MYLK4: variants seen among roughly 807,000 people sequenced by gnomAD.
MYLK4 encodes myosin light chain kinase family member 4.
MYLK4 carries 46 observed loss-of-function variants against 48.1 expected under a neutral mutation model. The observed-to-expected ratio is 0.96, with a 90% CI of 0.75 to 1.22. The LOEUF (loss-of-function observed/expected upper bound fraction) is 1.22. Ranked by LOEUF, MYLK4 falls within the 50% of genes most tolerant of loss-of-function variation. The pLI, the probability that MYLK4 is intolerant of heterozygous loss-of-function variation, is 0.00. For synonymous variants in MYLK4, 170 were observed against 180.8 expected (o/e 0.94, Z 0.48); for missense variants, 451 against 486.1 (o/e 0.93, Z 0.68).
intron 2 of MYLK4, among the ~76,000 whole-genome samples, chr6:2,717,982 A>G (rs1762929185): frequency 1.3e-5 from 2 of 152,126 alleles, no homozygotes; most frequent in South Asian, 4.1e-4. Context: ...GGAGTTCGAG[A>G]TCAGCCTGAC....
chr6:2,745,732 C>T (rs1329184367), intron 2 of MYLK4, among the ~76,000 whole-genome samples: 3 of 151,816 alleles, frequency 2.0e-5, no homozygotes, highest in Non-Finnish European at 4.4e-5. Flanking sequence ...CAAGACCAGT[C>T]TGAGCAACAC....
intron 2 of MYLK4, among the ~76,000 whole-genome samples, chr6:2,728,273 T>C (rs1763355358): frequency 6.6e-6 from 1 of 152,232 alleles, no homozygotes; most frequent in Non-Finnish European, 1.5e-5. Flanking sequence ...TAGGTGTTTT[T>C]CGTATGTAAG....
intron 6 of MYLK4, among the ~76,000 whole-genome samples, chr6:2,684,671 G>T (rs758990754): frequency 2.8e-4 from 42 of 152,124 alleles, no homozygotes; most frequent in Non-Finnish European, 5.0e-4. Flanking sequence ...TATAACAACT[G>T]TATATGTGGC....
chr6:2,763,922 G>A, the MYLK4 span, among the ~76,000 whole-genome samples: 1 of 152,142 alleles, frequency 6.6e-6, no homozygotes, highest in Non-Finnish European at 1.5e-5. Flanking sequence ...CGAGGTGGGC[G>A]GATCACCTGA....
In MYLK4 at chr6:2,683,081, C is replaced by T; in HGVS notation, c.627G>A (p.Lys209=). ...TGTGCCTTATCCCCTCACATATCTG[C>T]TTCATGAACAGGATGGTATCAAGCT... ...LTELDTILFM[K]QICEGIRHMH... Residue 209 remains lysine, a synonymous_variant, in exon 7 of 13, where the codon AAG becomes AAA. Coordinates refer to ENST00000274643, the MANE Select transcript of MYLK4 (RefSeq NM_001012418.5). The T allele has an allele frequency of 6.2e-7, 1 of 1,614,156 alleles. No individual in the cohort carries two copies. The highest frequency in any genetic ancestry group is 8.5e-7 in the Non-Finnish European group (1 of 1,180,040).
intron 2 of MYLK4, among the ~76,000 whole-genome samples, chr6:2,698,687 C>A (rs914406105): frequency 6.6e-6 from 1 of 152,098 alleles, no homozygotes; most frequent in African/African-American, 2.4e-5. Flanking sequence ...TACAAGAATA[C>A]AAAGAGATGA....
rs1761666030 is a variant in MYLK4 at position 2,688,892 on chromosome 6, G to C, written c.300C>G (p.Val100=). 1.9e-6 allele frequency: 3 copies of C among 1,614,188 alleles called. No individual in the cohort carries two copies. Among genetic ancestry groups the C allele is most frequent in the East Asian group, 2.2e-5 (1 of 44,888 alleles). ...HRIVTAKQGA[V]NSFYTVSKTE... Reference sequence around the variant, plus strand: ...TCTTGCTCACAGTATAGAAGCTGTTGACCGCTCCTTGCTTGGCTGTCACAA... The same window carrying C: ...TCTTGCTCACAGTATAGAAGCTGTTCACCGCTCCTTGCTTGGCTGTCACAA... The change falls in exon 4 of 13, where the codon GTC becomes GTG. Residue 100 remains valine, a synonymous_variant. Transcript: ENST00000274643.
intron 1 of MYLK4, among the ~76,000 whole-genome samples, chr6:2,749,789 T>G (rs544678597): frequency 1.3e-5 from 2 of 152,102 alleles, no homozygotes; most frequent in African/African-American, 4.8e-5. Flanking sequence ...AGAAGGGGTC[T>G]CTCTGCTTCC....
the MYLK4 span, among the ~76,000 whole-genome samples, chr6:2,758,321 T>G: frequency 6.6e-6 from 1 of 151,528 alleles, no homozygotes; most frequent in Non-Finnish European, 1.5e-5. Context: ...ATAATATTTT[T>G]TCTTTTATCA....
At chr6:2,735,927 A>G (rs1174413007) in intron 2 of MYLK4, among the ~76,000 whole-genome samples, 2 of 152,216 alleles carry the variant, frequency 1.3e-5, no homozygotes, top group African/African-American at 2.4e-5. Context: ...CAAGGTTGGC[A>G]TTATTACACC....
chr6:2,686,083 GA>G (rs1657845238), intron 4 of MYLK4, among the ~76,000 whole-genome samples: 1 of 130,538 alleles, frequency 7.7e-6, no homozygotes, highest in Non-Finnish European at 1.6e-5. Flanking sequence ...AAAAAAAAAA[GA>G]AGAAAGAAAG....
At chr6:2,742,962 A>G (rs1763949235) in intron 2 of MYLK4, among the ~76,000 whole-genome samples, 1 of 152,176 alleles carries the variant, frequency 6.6e-6, no homozygotes, top group South Asian at 2.1e-4. Context: ...TGCATTGTCA[A>G]TGGGGCAATA....
rs188804428 is a variant in MYLK4, at chr6:2,711,953, G to A, written c.160-19094C>T. Among the ~76,000 whole-genome samples the A allele has an allele frequency of 1.5e-4, 23 of 152,324 alleles. No individual in the cohort carries two copies. The East Asian group carries it at 4.2e-3, about 28-fold the overall frequency. On this transcript the variant is annotated intron_variant, in intron 2 of 12. Coordinates refer to ENST00000274643, the MANE Select transcript of MYLK4 (RefSeq NM_001012418.5). ...TGACAAAAGGTGCTTCTGTAAAGAT[G>A]TAAATCATGAAAATACAAGTTATAC...
chr6:2,744,324 G>A (rs1164452861), intron 2 of MYLK4, among the ~76,000 whole-genome samples: 2 of 152,240 alleles, frequency 1.3e-5, no homozygotes, highest in East Asian at 1.9e-4. Flanking sequence ...CTGTGAATGC[G>A]TATTTGTTCC....
chr6:2,766,174 C>T, the MYLK4 span: 1 of 1,343,960 alleles, frequency 7.4e-7, no homozygotes, highest in Non-Finnish European at 9.5e-7. Context: ...ACGGCGAGGA[C>T]GACCCGGGGC....
chr6:2,670,931 G>C (rs533527985), intron 12 of MYLK4, among the ~76,000 whole-genome samples: 2 of 151,928 alleles, frequency 1.3e-5, no homozygotes, highest in African/African-American at 4.8e-5. Context: ...ACACATTGTC[G>C]TAAGGACTAC....
At position 2,749,159 on chromosome 6, in the gene MYLK4, C is replaced by A; in HGVS notation, c.136G>T (p.Asp46Tyr). Residue 46 changes from aspartate (D) to tyrosine (Y), a missense_variant, in exon 2 of 13, where the codon GAT becomes TAT. Coordinates refer to ENST00000274643, the MANE Select transcript of MYLK4 (RefSeq NM_001012418.5). The stretch of plus-strand genomic sequence containing the variant: ...ACCTCATTATGTCCAGATCTTGAAT[C>A]CTGGTCCCCAGAATTTTTTTCCAGA... ...CFLEKNSGDQ[D>Y]SRSGHNEAKE... 1 of 1,613,858 alleles carries A rather than the reference C, an allele frequency of 6.2e-7. No homozygotes were observed. Among genetic ancestry groups the A allele is most frequent in the Middle Eastern group, 1.6e-4 (1 of 6,062 alleles).
chr6:2,683,521 G>A (rs896410501), intron 6 of MYLK4, among the ~76,000 whole-genome samples: 1 of 151,854 alleles, frequency 6.6e-6, no homozygotes, highest in African/African-American at 2.4e-5. Flanking sequence ...CCAGATTCAA[G>A]CGATTCTCAT....
chr6:2,712,405 C>T (rs559678645), intron 2 of MYLK4, among the ~76,000 whole-genome samples: 1 of 152,252 alleles, frequency 6.6e-6, no homozygotes, highest in East Asian at 1.9e-4. Flanking sequence ...CTACTTCAGG[C>T]CCTTTAAACT....
Sources: gnomAD v4.1 joint callset for allele counts (sites outside exome capture counted in the v4.1 genomes callset) on GRCh38, gnomAD v4.1.1 for gene constraint, MANE v1.5 for transcripts, NCBI Gene and HGNC (gene_info 2026-07-23, HGNC 2026-07-21) for gene names.